Variants in OPA3 observed in about 807,000 individuals in gnomAD.
OPA3 encodes the protein optic atrophy 3 protein.
Under a neutral mutation model 4.0 loss-of-function variants are expected in OPA3, and 6 were observed. The observed-to-expected ratio is 1.51, with a 90% confidence interval of 0.83 to 2.99. The LOEUF (loss-of-function observed/expected upper bound fraction) is 2.99. Ranked by LOEUF, OPA3 falls within the 30% of genes most tolerant of loss-of-function variation. The pLI is 0.00. For missense variants in OPA3, 235 were observed against 256.2 expected, an observed-to-expected ratio of 0.92 and a Z score of 0.56; for synonymous variants, 105 against 117.1, an observed-to-expected ratio of 0.90 and a Z score of 0.67.
rs879119658 is a variant in OPA3 at position 45,549,487 on chromosome 19, G to GTT, written c.*4025_*4026dup. 113 of 824,786 alleles carry GTT rather than the reference G, an allele frequency of 1.4e-4. No homozygotes were observed. Among genetic ancestry groups the GTT allele is most frequent in the East Asian group, 3.8e-4 (3 of 7,934 alleles). The allele number at this position is 824,786 out of a possible 1,614,324, so 51.1% of individuals were successfully genotyped here. A position where few individuals can be genotyped will look rare whatever the true frequency, so the allele number is the denominator to read the frequency against. On this transcript the variant is annotated 3_prime_UTR_variant, in exon 2 of 2. Transcript: ENST00000263275. The stretch of plus-strand genomic sequence containing the variant: ...TGCCTGTGTTCACACTCCCACCTCT[G>GTT]TTTTTTTTTTTTGAGTTGAGTCTCA...
At position 45,550,558 on chromosome 19, in the gene OPA3, CCTA is replaced by C. The variant is rs554461162; in HGVS notation, c.*2953_*2955del. 47 of 986,386 alleles carry C rather than the reference CCTA, an allele frequency of 4.8e-5. No individual in the cohort carries two copies. In the African/African-American group the frequency reaches 7.0e-4, roughly 15 times the overall value. The allele number at this position is 986,386 out of a possible 1,614,324, so 61.1% of individuals were successfully genotyped here. Reference sequence around the variant, plus strand: ...GGTAATCCAAGCCTCTCACTCTGCCCCTACTACTTCACCACCCTGGGCAGTCAG... The same window carrying C: ...GGTAATCCAAGCCTCTCACTCTGCCCCTACTTCACCACCCTGGGCAGTCAG... On this transcript the variant is annotated 3_prime_UTR_variant, in exon 2 of 2. Transcript: ENST00000263275.
intron 1 of OPA3, among the ~76,000 whole-genome samples, chr19:45,530,617 T>G (rs1197771661): frequency 6.6e-6 from 1 of 151,824 alleles, no homozygotes; most frequent in Non-Finnish European, 1.5e-5. Context: ...TCAAGTGATT[T>G]CCAACTAATT....
intron 1 of OPA3, chr19:45,529,514 A>G: frequency 3.1e-6 from 5 of 1,598,926 alleles, no homozygotes; most frequent in Non-Finnish European, 3.4e-6. Context: ...ATAAGCCCCG[A>G]CCCTCTGTGC....
At chr19:45,570,070 C>T (rs1198238760) in intron 1 of OPA3, among the ~76,000 whole-genome samples, 1 of 152,182 alleles carries the variant, frequency 6.6e-6, no homozygotes, top group East Asian at 1.9e-4. Context: ...AGGCGCCATC[C>T]CCAGGCTGAC....
At chr19:45,530,054 C>T (rs568777581) in intron 1 of OPA3, among the ~76,000 whole-genome samples, 1 of 152,196 alleles carries the variant, frequency 6.6e-6, no homozygotes, top group South Asian at 2.1e-4. Flanking sequence ...CTCTTAATTC[C>T]ATCAATAATT....
intron 1 of OPA3, among the ~76,000 whole-genome samples, chr19:45,581,189 T>C (rs1193350461): frequency 6.6e-6 from 1 of 152,128 alleles, no homozygotes; most frequent in Non-Finnish European, 1.5e-5. Context: ...TTGGTAACTG[T>C]GAAATCTAAT....
At position 45,561,577 on chromosome 19, in the gene OPA3, G is replaced by A. The variant is rs141452854; in HGVS notation, c.143-7666C>T. Among the ~76,000 whole-genome samples, 11 of 152,264 alleles carry A rather than the reference G, an allele frequency of 7.2e-5. No individual in the cohort carries two copies. The East Asian group carries it at 2.1e-3, about 29-fold the overall frequency. Reference sequence around the variant, plus strand: ...TCCCGTGGAACCGGTAACCGGAACTGTATACTAGGGAGGAGGGAGAGGTTA... The same window carrying A: ...TCCCGTGGAACCGGTAACCGGAACTATATACTAGGGAGGAGGGAGAGGTTA... On this transcript the variant is annotated intron_variant, in intron 1 of 1. Coordinates refer to ENST00000263275, the MANE Select transcript of OPA3 (RefSeq NM_025136.4).
chr19:45,552,958 G>C lies in OPA3; in HGVS notation c.*556C>G. The C allele has an allele frequency of 2.0e-6, 2 of 989,568 alleles. No homozygotes were observed. Among genetic ancestry groups the C allele is most frequent in the Non-Finnish European group, 2.4e-6 (2 of 832,338 alleles). 61.3% of individuals were successfully genotyped at this position (989,568 alleles called of 1,614,324 possible). The stretch of plus-strand genomic sequence containing the variant: ...CCCAAGGTGCTAGGATTACAGGCGT[G>C]AGCCACCGCTCCCAGCCGCACCGTT... On this transcript the variant is annotated 3_prime_UTR_variant, in exon 2 of 2. Coordinates refer to ENST00000263275, the MANE Select transcript of OPA3 (RefSeq NM_025136.4).
intron 1 of OPA3, among the ~76,000 whole-genome samples, chr19:45,583,315 C>T (rs572777966): frequency 6.6e-6 from 1 of 152,104 alleles, no homozygotes; most frequent in Middle Eastern, 3.4e-3. Context: ...CCACGCCCGG[C>T]TAATTTTTTT....
chr19:45,576,849 T>C (rs1969776534), intron 1 of OPA3, among the ~76,000 whole-genome samples: 1 of 152,188 alleles, frequency 6.6e-6, no homozygotes, highest in South Asian at 2.1e-4. Flanking sequence ...TTTGATCACA[T>C]TTGCAAAGTC....
At position 45,549,678 on chromosome 19, in the gene OPA3, C is replaced by T; in HGVS notation, c.*3836G>A. The T allele has an allele frequency of 1.8e-5, 16 of 899,382 alleles. No individual in the cohort carries two copies. Among genetic ancestry groups the T allele is most frequent in the East Asian group, 1.2e-4 (1 of 8,386 alleles). 55.7% of individuals were successfully genotyped at this position (899,382 alleles called of 1,614,324 possible). ...TATTTTTAGTAGAGACGGGGTTTTG[C>T]CATGTTGGCCAGGCTGGTCTCGATC... On this transcript the variant is annotated 3_prime_UTR_variant, in exon 2 of 2. Transcript: ENST00000263275.
In OPA3 at chr19:45,548,558, C is replaced by G; in HGVS notation, c.*4956G>C. The G allele has an allele frequency of 1.0e-6, 1 of 985,422 alleles. No homozygotes were observed. The highest frequency in any genetic ancestry group is 1.2e-6 in the Non-Finnish European group (1 of 829,952). 61.0% of individuals were successfully genotyped at this position (985,422 alleles called of 1,614,324 possible). The stretch of plus-strand genomic sequence containing the variant: ...ATGTACGTGTGAGCATCTGTAAGAC[C>G]CGGTGACGGCAGGGCTGGGGCTGTC... On this transcript the variant is annotated 3_prime_UTR_variant, in exon 2 of 2. Transcript: ENST00000263275.
In OPA3 at chr19:45,546,393, T is replaced by C; in HGVS notation, c.*7121A>G. On this transcript the variant is annotated 3_prime_UTR_variant, in exon 2 of 2. Coordinates refer to ENST00000263275, the MANE Select transcript of OPA3 (RefSeq NM_025136.4). ...CATGACATAAAATATATATTTTATA[T>C]TCCATTATATATTGTGTCACATAAT... The C allele has an allele frequency of 1.7e-6, 1 of 596,296 alleles. No individual in the cohort carries two copies. Among genetic ancestry groups the C allele is most frequent in the Non-Finnish European group, 2.1e-6 (1 of 475,286 alleles). 36.9% of individuals were successfully genotyped at this position (596,296 alleles called of 1,614,324 possible).
chr19:45,581,409 T>C (rs1476012468), intron 1 of OPA3, among the ~76,000 whole-genome samples: 1 of 152,172 alleles, frequency 6.6e-6, no homozygotes, highest in African/African-American at 2.4e-5. Flanking sequence ...GTCCTCACCC[T>C]TCAGGTCCCA....
chr19:45,578,806 G>A (rs1056152848), intron 1 of OPA3, among the ~76,000 whole-genome samples: 1 of 152,130 alleles, frequency 6.6e-6, no homozygotes, highest in African/African-American at 2.4e-5. Context: ...CAGCCTGGGT[G>A]TCGGAGTGCG....
intron 1 of OPA3, among the ~76,000 whole-genome samples, chr19:45,570,740 G>A (rs1456530755): frequency 6.6e-6 from 1 of 151,550 alleles, no homozygotes; most frequent in Non-Finnish European, 1.5e-5. Context: ...GCAGAAGCCT[G>A]TAATCCCAGC....
rs1969289176 is a variant in OPA3 at position 45,548,790 on chromosome 19, C to T, written c.*4724G>A. 12 of 547,608 alleles carry T rather than the reference C, an allele frequency of 2.2e-5. No individual in the cohort carries two copies. Among genetic ancestry groups the T allele is most frequent in the South Asian group, 1.6e-4 (2 of 12,378 alleles). The allele number at this position is 547,608 out of a possible 1,614,324, so 33.9% of individuals were successfully genotyped here. A position where few individuals can be genotyped will look rare whatever the true frequency, so the allele number is the denominator to read the frequency against. On this transcript the variant is annotated 3_prime_UTR_variant, in exon 2 of 2. Coordinates refer to ENST00000263275, the MANE Select transcript of OPA3 (RefSeq NM_025136.4). Reference sequence around the variant, plus strand: ...TATTTTTCCTAAGGTTGACATGGACCTTATTTATTTATTTATTTATTTATT... The same window carrying T: ...TATTTTTCCTAAGGTTGACATGGACTTTATTTATTTATTTATTTATTTATT...
chr19:45,562,614 G>C (rs1376312304), intron 1 of OPA3, among the ~76,000 whole-genome samples: 1 of 151,874 alleles, frequency 6.6e-6, no homozygotes, highest in Non-Finnish European at 1.5e-5. Flanking sequence ...TCTTGAACCT[G>C]GGAGGCAGAG....
intron 1 of OPA3, among the ~76,000 whole-genome samples, chr19:45,557,687 C>T (rs962380679): frequency 3.3e-5 from 5 of 152,154 alleles, no homozygotes; most frequent in African/African-American, 9.7e-5. Context: ...AGGATCCATC[C>T]CAGCTCTGAC....
Sources: gnomAD v4.1 joint callset for allele counts (sites outside exome capture counted in the v4.1 genomes callset) on GRCh38, gnomAD v4.1.1 for gene constraint, MANE v1.5 for transcripts, NCBI Gene and HGNC (gene_info 2026-07-23, HGNC 2026-07-21) for gene names.